Variants in TRPM1 observed in about 807,000 individuals in gnomAD.
The protein encoded by TRPM1 is transient receptor potential cation channel subfamily M member 1.
In TRPM1, 113 loss-of-function variants were observed where a neutral mutation model predicts 149.4. That is an observed-to-expected ratio of 0.76 (90% confidence interval 0.65 to 0.88). The LOEUF (loss-of-function observed/expected upper bound fraction) is 0.88, where lower values mean the gene tolerates loss of function less well. Ranked by LOEUF, TRPM1 falls within the 40% of genes least tolerant of loss-of-function variation. TRPM1 has a pLI of 0.00. For synonymous variants in TRPM1, 741 were observed against 759.5 expected (o/e 0.98, Z 0.40); for missense variants, 1,976 against 2,038.7 (o/e 0.97, Z 0.59).
chr15:31,055,250 G>C (rs557884467), intron 11 of TRPM1, among the ~76,000 whole-genome samples: 32 of 152,188 alleles, frequency 2.1e-4, no homozygotes, highest in Non-Finnish European at 4.0e-4. Context: ...GTTACAGCCT[G>C]AGCATGTGTT....
chr15:31,108,955 A>T (rs1236612463), intron 1 of TRPM1, among the ~76,000 whole-genome samples: 9 of 152,108 alleles, frequency 5.9e-5, no homozygotes. Context: ...TATTTAATTG[A>T]ATTTATCATT....
intron 16 of TRPM1, among the ~76,000 whole-genome samples, chr15:31,045,721 C>G (rs1319733623): frequency 6.6e-6 from 1 of 152,086 alleles, no homozygotes; most frequent in African/African-American, 2.4e-5. Context: ...TTTGAGAAAA[C>G]TATATATTTT....
rs754998379 is a variant in TRPM1, at chr15:31,026,189, C to G, written c.3579G>C (p.Glu1193Asp). Residue 1193 changes from glutamate (E) to aspartate (D), a missense_variant, in exon 27 of 28, where the codon GAG (glutamate) becomes GAC (aspartate). Physicochemically the swap from Glu to Asp is conservative, Grantham distance 45. Around this residue, in one of 3 missense-constraint regions of TRPM1, gnomAD observed 572 missense variants for 578.9 expected, o/e 0.99. Transcript: ENST00000256552. ...CGTCGCTGGACGACTGCTGCTCATC[C>G]TCCTTCTCCCGGAAGTGCTCCTGCA... is the stretch of plus-strand genomic sequence containing the variant. The part of the protein sequence containing the change: ...QCVQEHFREK[E>D]DEQQSSSDER... The G allele has an allele frequency of 1.2e-6, 2 of 1,612,482 alleles. No homozygotes were observed. The highest frequency in any genetic ancestry group is 8.5e-7 in the Non-Finnish European group (1 of 1,180,032).
intron 11 of TRPM1, among the ~76,000 whole-genome samples, chr15:31,051,371 C>T (rs1441749654): frequency 1.3e-5 from 2 of 152,180 alleles, no homozygotes; most frequent in Admixed American, 1.3e-4. Context: ...ACCTGAGGAG[C>T]CTCCATTTCC....
chr15:31,161,091 C>T (rs568638455), exon 1 of TRPM1: 1 of 899,982 alleles, frequency 1.1e-6, no homozygotes, highest in South Asian at 1.5e-5. Context: ...TCGGCGGCAG[C>T]CCCACGCACT....
chr15:31,034,219 T>C (rs1261628503), intron 21 of TRPM1, among the ~76,000 whole-genome samples: 2 of 152,248 alleles, frequency 1.3e-5, no homozygotes, highest in Non-Finnish European at 2.9e-5. Flanking sequence ...CTCTGCTGTC[T>C]GCAGAGATTG....
At chr15:31,144,875 C>T (rs558167891) in intron 1 of TRPM1, among the ~76,000 whole-genome samples, 11 of 151,998 alleles carry the variant, frequency 7.2e-5, no homozygotes, top group East Asian at 1.9e-4. Flanking sequence ...TCCACCACAC[C>T]GGGCTAATTT....
chr15:31,060,622 A>G lies in TRPM1; in HGVS notation c.1185T>C (p.Asp395=). The change falls in exon 11 of 28, where the codon GAT becomes GAC. Residue 395 remains aspartate, a synonymous_variant. Transcript: ENST00000256552. ...TCCAAGCCAGTGCCAAGCTCAGCTGATCTGGAGCAGATACGTTTGTTCCTG... is the reference window on the plus strand; with the variant it reads ...TCCAAGCCAGTGCCAAGCTCAGCTGGTCTGGAGCAGATACGTTTGTTCCTG... ...LLKGTNVSAP[D]QLSLALAWNR... is the part of the protein sequence containing the mutation. The G allele has an allele frequency of 6.2e-7, 1 of 1,614,192 alleles. No individual in the cohort carries two copies. Among genetic ancestry groups the G allele is most frequent in the Non-Finnish European group, 8.5e-7 (1 of 1,180,016 alleles).
At chr15:31,015,002 G>C in intron 27 of TRPM1, among the ~76,000 whole-genome samples, 1 of 152,034 alleles carries the variant, frequency 6.6e-6, no homozygotes, top group Non-Finnish European at 1.5e-5. Flanking sequence ...GGCAGGGGGT[G>C]GGGGTGGGGC....
At chr15:31,071,980 C>CCATATATAT (rs1448196967) in intron 3 of TRPM1, among the ~76,000 whole-genome samples, 2 of 77,286 alleles carry the variant, frequency 2.6e-5, no homozygotes, top group African/African-American at 6.4e-5. Context: ...AAAAAAAAAA[C>CCATATATAT]ATATATATAT....
At chr15:31,096,570 G>C (rs989962943) in intron 1 of TRPM1, among the ~76,000 whole-genome samples, 8 of 152,302 alleles carry the variant, frequency 5.3e-5, no homozygotes, top group Non-Finnish European at 1.0e-4. Context: ...CAGTTGGGAA[G>C]GTGTTGTGTT....
intron 27 of TRPM1, among the ~76,000 whole-genome samples, chr15:31,025,692 A>G (rs1260992137): frequency 2.8e-5 from 4 of 144,692 alleles, no homozygotes; most frequent in Admixed American, 2.7e-4. Context: ...CCCAGGAGGG[A>G]GCCTTTTCCT....
intron 1 of TRPM1, among the ~76,000 whole-genome samples, chr15:31,116,166 G>C (rs7165641): frequency 0.79 from 120,668 of 151,988 alleles, 48,275 homozygotes; most frequent in African/African-American, 0.89. Flanking sequence ...ATACCAAACT[G>C]CAGCCCCCTC....
At chr15:31,058,067 G>A (rs1364691314) in intron 11 of TRPM1, among the ~76,000 whole-genome samples, 2 of 152,028 alleles carry the variant, frequency 1.3e-5, no homozygotes, top group Admixed American at 6.6e-5. Flanking sequence ...ATTCTTTATA[G>A]CAGTGTGAAA....
intron 14 of TRPM1, among the ~76,000 whole-genome samples, 200 bp downstream of exon 14, chr15:31,047,689 A>G (rs760797490): frequency 9.9e-5 from 15 of 152,238 alleles, no homozygotes; most frequent in African/African-American, 3.6e-4. Context: ...CAGTGTCCCT[A>G]TCATGGATTT....
intron 1 of TRPM1, among the ~76,000 whole-genome samples, chr15:31,125,755 A>C (rs1449840307): frequency 9.9e-6 from 1 of 100,554 alleles, no homozygotes; most frequent in Non-Finnish European, 2.3e-5. Flanking sequence ...AAAAAAAAAA[A>C]ATTATTAAAA....
At chr15:31,149,937 CT>C (rs1228961867) in intron 1 of TRPM1, among the ~76,000 whole-genome samples, 32 of 152,198 alleles carry the variant, frequency 2.1e-4, no homozygotes, top group African/African-American at 6.3e-4. Context: ...GCAGCAAATT[CT>C]TTTCTTTTCT....
chr15:31,028,260 C>G, intron 25 of TRPM1, 72 bp downstream of exon 25: 1 of 1,583,986 alleles, frequency 6.3e-7, no homozygotes, highest in South Asian at 1.1e-5. Flanking sequence ...ATCTTGGGAG[C>G]GTTCTGAGAT....
intron 1 of TRPM1, among the ~76,000 whole-genome samples, chr15:31,091,712 A>T (rs898892155): frequency 6.6e-6 from 1 of 152,198 alleles, no homozygotes; most frequent in African/African-American, 2.4e-5. Context: ...GTCCTGACCC[A>T]GTGTGGTCTG....
Sources: allele counts gnomAD v4.1 joint callset (sites outside exome capture counted in the v4.1 genomes callset), GRCh38; gene constraint gnomAD v4.1.1; regional missense constraint gnomAD v4.1.1; transcripts MANE v1.5; gene names NCBI Gene and HGNC (gene_info 2026-07-23, HGNC 2026-07-21).